MAPK10: variants seen among roughly 807,000 people sequenced by gnomAD.
The protein encoded by MAPK10 is mitogen-activated protein kinase 10, also known as JNK3 alpha protein kinase.
A neutral mutation model predicts 59.3 loss-of-function variants in MAPK10; 25 were observed. The ratio of observed to expected loss-of-function variants is 0.42; its 90% CI spans 0.31 to 0.59. The LOEUF is 0.59. Among genes scored for constraint, MAPK10 ranks in the 20% least tolerant of loss-of-function variants. The probability of loss-of-function intolerance (pLI) is 0.15; values close to 1 mark genes in which losing one functional copy is unlikely to be tolerated. For synonymous variants in MAPK10, 190 were observed against 200.5 expected, an observed-to-expected ratio of 0.95 and a Z score of 0.44; for missense variants, 351 against 568.9, an observed-to-expected ratio of 0.62 and a Z score of 3.90.
intron 1 of MAPK10, among the ~76,000 whole-genome samples, chr4:86,368,212 T>C (rs1176014635): frequency 6.6e-6 from 1 of 152,146 alleles, no homozygotes; most frequent in Non-Finnish European, 1.5e-5. Context: ...ATAGACTTTA[T>C]TTGTAGGGCA....
intron 3 of MAPK10, among the ~76,000 whole-genome samples, chr4:86,181,619 T>C (rs2076951220): frequency 1.3e-5 from 2 of 152,088 alleles, no homozygotes. Flanking sequence ...CATTTCTACT[T>C]AGGAAATGGT....
intron 2 of MAPK10, among the ~76,000 whole-genome samples, chr4:86,332,122 A>G (rs562965140): frequency 6.6e-6 from 1 of 152,322 alleles, no homozygotes; most frequent in East Asian, 1.9e-4. Flanking sequence ...CTTTCAAATA[A>G]TATGCAAATA....
At chr4:86,253,228 GA>G (rs1362901069) in intron 2 of MAPK10, among the ~76,000 whole-genome samples, 5 of 29,020 alleles carry the variant, frequency 1.7e-4, no homozygotes, top group Non-Finnish European at 2.1e-4. Context: ...GGAGTGGTGA[GA>G]GAGGGCATCC....
chr4:86,083,696 T>C (rs902838517), intron 9 of MAPK10, among the ~76,000 whole-genome samples: 4 of 152,132 alleles, frequency 2.6e-5, no homozygotes, highest in African/African-American at 9.7e-5. Context: ...TTGGGGCATG[T>C]GACCTACTGA....
chr4:86,328,524 T>C (rs2148908100), intron 2 of MAPK10, among the ~76,000 whole-genome samples: 1 of 152,312 alleles, frequency 6.6e-6, no homozygotes, highest in South Asian at 2.1e-4. Context: ...GGAATATAAA[T>C]CATTCTACTA....
At chr4:86,194,309 C>A (rs1225084400) in intron 3 of MAPK10, 27 bp downstream of exon 3, 1 of 1,589,426 alleles carries the variant, frequency 6.3e-7, no homozygotes, top group African/African-American at 1.3e-5. Context: ...TATACTGTAC[C>A]TTGTTTTACC....
intron 1 of MAPK10, among the ~76,000 whole-genome samples, chr4:86,385,999 T>C (rs1033148090): frequency 6.6e-6 from 1 of 152,196 alleles, no homozygotes; most frequent in Non-Finnish European, 1.5e-5. Context: ...AAAAATTATT[T>C]AAAAGACATG....
chr4:86,264,888 C>CTTTTTTTTTTTTTT (rs397879051), intron 2 of MAPK10, among the ~76,000 whole-genome samples: 4 of 95,274 alleles, frequency 4.2e-5, no homozygotes, highest in East Asian at 3.1e-4. Context: ...TGGCCCTGGA[C>CTTTTTTTTTTTTTT]TTTTTTTTTT....
intron 2 of MAPK10, among the ~76,000 whole-genome samples, chr4:86,317,081 C>T (rs1415334142): frequency 1.3e-5 from 2 of 152,118 alleles, no homozygotes; most frequent in African/African-American, 2.4e-5. Context: ...GGCACTGGCA[C>T]ATCCAAAAGA....
intron 2 of MAPK10, among the ~76,000 whole-genome samples, chr4:86,297,288 T>C (rs532251298): frequency 3.3e-5 from 5 of 152,192 alleles, no homozygotes; most frequent in Admixed American, 6.5e-5. Context: ...AAAGATGTTA[T>C]ATAGAGTTTT....
chr4:86,312,382 T>C (rs373500737), intron 2 of MAPK10, among the ~76,000 whole-genome samples: 3 of 152,088 alleles, frequency 2.0e-5, no homozygotes, highest in Non-Finnish European at 4.4e-5. Flanking sequence ...TTTTCACATA[T>C]GAAAATACCC....
At chr4:86,050,546 T>A (rs2043315926) in intron 11 of MAPK10, among the ~76,000 whole-genome samples, 1 of 152,112 alleles carries the variant, frequency 6.6e-6, no homozygotes, top group Non-Finnish European at 1.5e-5. Context: ...TCCCATTGTC[T>A]GTCTACAGTC....
At chr4:86,540,439 G>A (rs1758590289) in intron 1 of MAPK10, among the ~76,000 whole-genome samples, 1 of 152,012 alleles carries the variant, frequency 6.6e-6, no homozygotes, top group Admixed American at 6.6e-5. Context: ...GGCGGAGGTT[G>A]CAGTGAGCCG....
At chr4:86,225,861 A>G (rs181323132) in intron 2 of MAPK10, among the ~76,000 whole-genome samples, 78 of 152,280 alleles carry the variant, frequency 5.1e-4, no homozygotes, top group African/African-American at 1.8e-3. Context: ...CATTCTCCAT[A>G]AATGTTTTCT....
intron 2 of MAPK10, among the ~76,000 whole-genome samples, chr4:86,231,030 T>C (rs1044715854): frequency 7.2e-5 from 11 of 152,190 alleles, no homozygotes; most frequent in Non-Finnish European, 5.9e-5. Context: ...TCAGAAAATA[T>C]GAATTGATAA....
At chr4:86,068,312 T>C (rs1466390739) in intron 9 of MAPK10, among the ~76,000 whole-genome samples, 6 of 152,152 alleles carry the variant, frequency 3.9e-5, no homozygotes, top group Non-Finnish European at 1.5e-5. Flanking sequence ...AAATATATAA[T>C]GACACATCAT....
chr4:86,510,405 C>G (rs1218245841), intron 1 of MAPK10, among the ~76,000 whole-genome samples: 1 of 151,980 alleles, frequency 6.6e-6, no homozygotes, highest in East Asian at 1.9e-4. Context: ...GAGCCACCAC[C>G]CCTGGCCCAA....
intron 2 of MAPK10, among the ~76,000 whole-genome samples, chr4:86,199,642 G>T (rs1285981596): frequency 1.3e-5 from 2 of 151,986 alleles, no homozygotes; most frequent in Admixed American, 6.6e-5. Flanking sequence ...TCTTGAAGCT[G>T]GGCAGTGGGG....
At chr4:86,400,416 C>CCTCTCTCTCTTTCTCTCTCTCCCT (rs1340815972) in intron 1 of MAPK10, among the ~76,000 whole-genome samples, 3 of 151,652 alleles carry the variant, frequency 2.0e-5, no homozygotes, top group African/African-American at 7.3e-5. Flanking sequence ...TTTTCTGGTT[C>CCTCTCTCTCTTTCTCTCTCTCCCT]CTCTCTCTCT....
Sources: allele counts gnomAD v4.1 joint callset (sites outside exome capture counted in the v4.1 genomes callset), GRCh38; gene constraint gnomAD v4.1.1; transcripts MANE v1.5; gene names NCBI Gene and HGNC (gene_info 2026-07-23, HGNC 2026-07-21).